TMEM17: variants seen among roughly 807,000 people sequenced by gnomAD.
TMEM17 encodes the protein transmembrane protein 17.
In TMEM17, 15 loss-of-function variants were observed where a neutral mutation model predicts 19.1. That is an observed-to-expected ratio of 0.78 (90% CI 0.52 to 1.21). TMEM17 has a LOEUF of 1.21. Ranked by LOEUF, TMEM17 falls within the 50% of genes most tolerant of loss-of-function variation. TMEM17 has a pLI of 0.00. For missense variants in TMEM17, 245 were observed against 242.3 expected, an observed-to-expected ratio of 1.01 and a Z score of -0.07; for synonymous variants, 103 against 86.9, an observed-to-expected ratio of 1.19 and a Z score of -1.03.
the TMEM17 span, among the ~76,000 whole-genome samples, chr2:62,467,214 A>G: frequency 2.0e-5 from 2 of 97,598 alleles, no homozygotes; most frequent in African/African-American, 8.1e-5. Context: ...ACGCCTCCCC[A>G]CCCCTGCACC....
chr2:62,460,431 C>T, the TMEM17 span, among the ~76,000 whole-genome samples: 1 of 151,950 alleles, frequency 6.6e-6, no homozygotes, highest in Non-Finnish European at 1.5e-5. Context: ...GGTGCTCCCA[C>T]GTTTTTGTCA....
chr2:62,468,187 G>A, the TMEM17 span, among the ~76,000 whole-genome samples: 2 of 152,012 alleles, frequency 1.3e-5, no homozygotes, highest in Non-Finnish European at 2.9e-5. Flanking sequence ...GCTCTTCCAC[G>A]TGACTCTACA....
At chr2:62,468,967 T>A in the TMEM17 span, among the ~76,000 whole-genome samples, 53,995 of 151,932 alleles carry the variant, frequency 0.36, 9,637 homozygotes, top group East Asian at 0.38. Context: ...TCAATTAGGG[T>A]CTATGTCATG....
the TMEM17 span, among the ~76,000 whole-genome samples, chr2:62,483,793 GT>G: frequency 3.9e-5 from 6 of 151,956 alleles, no homozygotes; most frequent in Non-Finnish European, 7.4e-5. Context: ...AGAGACAGGG[GT>G]TTCACCACGT....
At chr2:62,459,103 G>T in the TMEM17 span, among the ~76,000 whole-genome samples, 348 of 152,346 alleles carry the variant, frequency 2.3e-3, no homozygotes, top group Non-Finnish European at 4.0e-3. Flanking sequence ...ACTGAAAATT[G>T]TAAGATAGTT....
chr2:62,456,403 C>T, the TMEM17 span, among the ~76,000 whole-genome samples: 1 of 152,224 alleles, frequency 6.6e-6, no homozygotes, highest in African/African-American at 2.4e-5. Context: ...TTCCAAATCT[C>T]TCTCTCTGTC....
At chr2:62,470,460 C>T in the TMEM17 span, among the ~76,000 whole-genome samples, 1 of 152,220 alleles carries the variant, frequency 6.6e-6, no homozygotes, top group Non-Finnish European at 1.5e-5. Flanking sequence ...CATTCATGAG[C>T]AGATTTGGGC....
the TMEM17 span, among the ~76,000 whole-genome samples, chr2:62,458,935 G>T: frequency 6.6e-6 from 1 of 152,188 alleles, no homozygotes; most frequent in Non-Finnish European, 1.5e-5. Context: ...AGTAAACTTG[G>T]CCTCAGTCTT....
chr2:62,484,890 G>A, the TMEM17 span, among the ~76,000 whole-genome samples: 1 of 152,116 alleles, frequency 6.6e-6, no homozygotes, highest in Non-Finnish European at 1.5e-5. Flanking sequence ...CCTCAGACAA[G>A]CAGAATGAGA....
At chr2:62,475,597 C>T in the TMEM17 span, among the ~76,000 whole-genome samples, 1 of 152,238 alleles carries the variant, frequency 6.6e-6, no homozygotes, top group African/African-American at 2.4e-5. Flanking sequence ...GAGCCTCCTG[C>T]CCTGCTGCCA....
chr2:62,498,238 T>C (rs1404267857), downstream of TMEM17, among the ~76,000 whole-genome samples: 1 of 151,012 alleles, frequency 6.6e-6, no homozygotes, highest in Admixed American at 6.6e-5. Context: ...TACAAAAAAA[T>C]TAGCCAGGAA....
rs1309899378 is a variant in TMEM17 at position 62,505,880 on chromosome 2, C to A, written c.100+150G>T. The A allele has an allele frequency of 1.0e-5, 8 of 790,222 alleles. No individual in the cohort carries two copies. The East Asian group carries it at 1.9e-4, about 19-fold the overall frequency. 49.0% of individuals were successfully genotyped at this position (790,222 alleles called of 1,614,324 possible). A position where few individuals can be genotyped will look rare whatever the true frequency, so the allele number is the denominator to read the frequency against. ...CAGCGCCTCAGCTCCCTGTCCGGCC[C>A]GGCCCCTCCTCCAAGGCGCTCTCCC... On this transcript the variant is annotated intron_variant, in intron 1 of 3. Coordinates refer to ENST00000335390, the MANE Select transcript of TMEM17 (RefSeq NM_198276.3).
At chr2:62,467,959 G>A in the TMEM17 span, among the ~76,000 whole-genome samples, 1 of 151,438 alleles carries the variant, frequency 6.6e-6, no homozygotes, top group East Asian at 1.9e-4. Context: ...CAGGACTCAG[G>A]ACGTCTTTCA....
At chr2:62,494,972 G>A in the TMEM17 span, among the ~76,000 whole-genome samples, 8 of 152,282 alleles carry the variant, frequency 5.3e-5, no homozygotes, top group South Asian at 1.7e-3. Context: ...CCAAGATCGT[G>A]CCACTGCACT....
intron 3 of TMEM17, chr2:62,501,689 T>C (rs1489482321): frequency 1.8e-6 from 1 of 547,302 alleles, no homozygotes; most frequent in South Asian, 2.6e-5. Flanking sequence ...CCTAGAATAC[T>C]ACACTTTAGT....
At chr2:62,487,763 C>T in the TMEM17 span, among the ~76,000 whole-genome samples, 7 of 152,336 alleles carry the variant, frequency 4.6e-5, no homozygotes, top group African/African-American at 9.6e-5. Flanking sequence ...GGTGCGATCT[C>T]GGCTCACTGC....
the TMEM17 span, among the ~76,000 whole-genome samples, chr2:62,453,735 C>T: frequency 6.6e-6 from 1 of 152,166 alleles, no homozygotes; most frequent in Non-Finnish European, 1.5e-5. Context: ...TGTTTTAGGC[C>T]TACACTTGTC....
chr2:62,488,016 G>T, the TMEM17 span, among the ~76,000 whole-genome samples: 4 of 152,228 alleles, frequency 2.6e-5, no homozygotes, highest in Non-Finnish European at 5.9e-5. Flanking sequence ...TGAAATAGAG[G>T]TGGAACGGAG....
the TMEM17 span, among the ~76,000 whole-genome samples, chr2:62,478,117 C>T: frequency 1.4e-3 from 213 of 152,294 alleles, 3 homozygotes; most frequent in African/African-American, 4.7e-3. Flanking sequence ...ATAAATGACT[C>T]TAGTGGTAGC....
Sources: allele counts gnomAD v4.1 joint callset (sites outside exome capture counted in the v4.1 genomes callset), GRCh38; gene constraint gnomAD v4.1.1; transcripts MANE v1.5; gene names NCBI Gene and HGNC (gene_info 2026-07-23, HGNC 2026-07-21).